Variants in RTN3 observed in about 807,000 individuals in gnomAD.
RTN3 encodes reticulon-3.
Under a neutral mutation model 77.8 loss-of-function variants are expected in RTN3, and 49 were observed. The observed-to-expected ratio is 0.63, with a 90% CI of 0.50 to 0.80. RTN3 has a LOEUF of 0.80. RTN3 is among the 30% of genes least tolerant of loss of function. RTN3 has a pLI of 0.00. For synonymous variants in RTN3, 464 were observed against 446.9 expected (o/e 1.04, Z -0.48); for missense variants, 1,236 against 1,211.9 (o/e 1.02, Z -0.29).
At chr11:63,740,448 A>ATTTTTTTTTTTTTTTTTTT (rs34045543) in intron 3 of RTN3, among the ~76,000 whole-genome samples, 2 of 120,754 alleles carry the variant, frequency 1.7e-5, no homozygotes, top group Non-Finnish European at 3.4e-5. Flanking sequence ...TGCCTGGCTA[A>ATTTTTTTTTTTTTTTTTTT]TTTTTTTTTT....
intron 1 of RTN3, among the ~76,000 whole-genome samples, chr11:63,682,889 T>C (rs1483170017): frequency 6.6e-6 from 1 of 151,448 alleles, no homozygotes; most frequent in Non-Finnish European, 1.5e-5. Flanking sequence ...AGGAACGGAG[T>C]CTTTGAAGGG....
At chr11:63,755,073 G>A (rs1253504986) in intron 7 of RTN3, among the ~76,000 whole-genome samples, 4 of 151,778 alleles carry the variant, frequency 2.6e-5, no homozygotes, top group Admixed American at 2.0e-4. Context: ...GATGCCATGA[G>A]ATTATTCTTT....
rs918776124 is a variant in RTN3, at chr11:63,702,314, G to GT, written c.143-2530dup. Among the ~76,000 whole-genome samples the GT allele has an allele frequency of 1.1e-4, 16 of 148,880 alleles. 1 individual carries two copies. In the South Asian group the frequency reaches 1.5e-3, roughly 14 times the overall value. ...TGGTTTTGGTTTTTTTTGTTTTTTT[G>GT]TTTTTTTGTTTTTTTTTTGAGACAG... On this transcript the variant is annotated intron_variant, in intron 1 of 8. Coordinates refer to ENST00000377819, the MANE Select transcript of RTN3 (RefSeq NM_001265589.2).
At chr11:63,683,943 CTT>C (rs35837590) in intron 1 of RTN3, among the ~76,000 whole-genome samples, 10 of 58,946 alleles carry the variant, frequency 1.7e-4, no homozygotes, top group East Asian at 4.6e-4. Context: ...TCTTTTCTTT[CTT>C]TTTTTTTTTT....
chr11:63,705,244 T>C (rs1251845516), intron 2 of RTN3, among the ~76,000 whole-genome samples: 1 of 152,122 alleles, frequency 6.6e-6, no homozygotes, highest in Non-Finnish European at 1.5e-5. Context: ...TCTCAGCACT[T>C]TGGGAGGCAA....
intron 2 of RTN3, among the ~76,000 whole-genome samples, chr11:63,718,366 T>C (rs935709121): frequency 6.6e-6 from 1 of 152,198 alleles, no homozygotes; most frequent in Non-Finnish European, 1.5e-5. Context: ...TATCAAAGAA[T>C]AAAAAACCTC....
At chr11:63,691,268 G>GCC in intron 1 of RTN3, among the ~76,000 whole-genome samples, 1 of 151,996 alleles carries the variant, frequency 6.6e-6, no homozygotes, top group South Asian at 2.1e-4. Context: ...TTATAGGCAT[G>GCC]TGCCACCATG....
intron 2 of RTN3, among the ~76,000 whole-genome samples, chr11:63,705,857 A>T (rs1942469474): frequency 6.6e-6 from 1 of 152,238 alleles, no homozygotes; most frequent in Non-Finnish European, 1.5e-5. Context: ...AACATTGCCA[A>T]GAAGCTGAAA....
intron 3 of RTN3, among the ~76,000 whole-genome samples, chr11:63,722,884 C>T (rs1000898442): frequency 6.6e-6 from 1 of 152,126 alleles, no homozygotes; most frequent in African/African-American, 2.4e-5. Flanking sequence ...ATTTCTTCCT[C>T]AGTTGTCATA....
intron 1 of RTN3, among the ~76,000 whole-genome samples, chr11:63,684,128 GGTTTT>G (rs1565295063): frequency 1.0e-4 from 2 of 19,934 alleles, no homozygotes; most frequent in African/African-American, 1.3e-4. Context: ...ATTTTCTTTT[GGTTTT>G]TTTTTTTTTT....
At chr11:63,711,001 G>A (rs1482193281) in intron 2 of RTN3, among the ~76,000 whole-genome samples, 1 of 152,122 alleles carries the variant, frequency 6.6e-6, no homozygotes, top group African/African-American at 2.4e-5. Context: ...TTTACTGGCT[G>A]GGTGTGGTGG....
At chr11:63,683,137 T>G (rs1390131151) in intron 1 of RTN3, among the ~76,000 whole-genome samples, 2 of 152,218 alleles carry the variant, frequency 1.3e-5, no homozygotes, top group Non-Finnish European at 2.9e-5. Flanking sequence ...GGAGCCCTGT[T>G]GGATTTTTTC....
At chr11:63,749,527 T>A (rs188816323) in intron 3 of RTN3, among the ~76,000 whole-genome samples, 36 of 152,320 alleles carry the variant, frequency 2.4e-4, no homozygotes, top group African/African-American at 6.0e-4. Context: ...ATAATTTAGT[T>A]AACAGCAAGA....
rs1356775863 is a variant in RTN3, at chr11:63,758,330, G to T, written c.*129G>T. 1 of 1,611,396 alleles carries T rather than the reference G, an allele frequency of 6.2e-7. No homozygotes were observed. The stretch of plus-strand genomic sequence containing the variant: ...GCATTCCAAGCTTTTTTTTTAATTT[G>T]GTGTTTTCTCCCATCCTTTCCCTTT... On this transcript the variant is annotated 3_prime_UTR_variant, in exon 9 of 9. Coordinates refer to ENST00000377819, the MANE Select transcript of RTN3 (RefSeq NM_001265589.2).
At chr11:63,702,909 C>T (rs1590803409) in intron 1 of RTN3, among the ~76,000 whole-genome samples, 1 of 149,840 alleles carries the variant, frequency 6.7e-6, no homozygotes, top group African/African-American at 2.5e-5. Flanking sequence ...ATGGTCTCAA[C>T]CTCCTGACCT....
chr11:63,682,084 C>T (rs1409463358), intron 1 of RTN3, among the ~76,000 whole-genome samples: 1 of 152,154 alleles, frequency 6.6e-6, no homozygotes, highest in Non-Finnish European at 1.5e-5. Flanking sequence ...TGGAGAGTTG[C>T]TCGATGCATA....
At chr11:63,702,916 A>G (rs1247457948) in intron 1 of RTN3, among the ~76,000 whole-genome samples, 1 of 150,876 alleles carries the variant, frequency 6.6e-6, no homozygotes, top group Non-Finnish European at 1.5e-5. Flanking sequence ...CAACCTCCTG[A>G]CCTCGTGATC....
chr11:63,711,384 A>T (rs1213847128), intron 2 of RTN3, among the ~76,000 whole-genome samples: 20 of 144,058 alleles, frequency 1.4e-4, no homozygotes, highest in East Asian at 6.1e-4. Flanking sequence ...TGGGTTTTTT[A>T]TTTTTTTTTT....
At chr11:63,705,315 C>T (rs547008510) in intron 2 of RTN3, among the ~76,000 whole-genome samples, 1 of 152,244 alleles carries the variant, frequency 6.6e-6, no homozygotes, top group East Asian at 1.9e-4. Flanking sequence ...TGGTGAAACC[C>T]TGTGTCTACA....
Sources: allele counts gnomAD v4.1 joint callset (sites outside exome capture counted in the v4.1 genomes callset), GRCh38; gene constraint gnomAD v4.1.1; transcripts MANE v1.5; gene names NCBI Gene and HGNC (gene_info 2026-07-23, HGNC 2026-07-21).